EDA: variants seen among roughly 807,000 people sequenced by gnomAD.
EDA encodes ectodysplasin A.
Under a neutral mutation model 23.6 loss-of-function variants are expected in EDA, and 2 were observed. That is an observed-to-expected ratio of 0.08 (90% CI 0.03 to 0.27). EDA has a LOEUF of 0.27. Among genes scored for constraint, EDA ranks in the 10% least tolerant of loss-of-function variants. The pLI, the probability that EDA is intolerant of heterozygous loss-of-function variation, is 1.00. For synonymous variants in EDA, 131 were observed against 132.0 expected, an observed-to-expected ratio of 0.99 and a Z score of 0.05; for missense variants, 229 against 324.2, an observed-to-expected ratio of 0.71 and a Z score of 2.26.
At chrX:69,690,896 T>C (rs1332764662) in intron 1 of EDA, among the ~76,000 whole-genome samples, 1 of 111,985 alleles carries the variant, frequency 8.9e-6, no homozygotes, top group African/African-American at 3.2e-5. Context: ...TTCATCTAAG[T>C]TATATAATTT....
chrX:69,989,290 T>A (rs193125802), intron 2 of EDA, among the ~76,000 whole-genome samples: 14 of 111,570 alleles, frequency 1.3e-4, no homozygotes, highest in Admixed American at 4.8e-4. Context: ...GTAGCCGAAC[T>A]TTCACTCCAC....
intron 1 of EDA, among the ~76,000 whole-genome samples, chrX:69,739,216 T>C (rs2013368623): frequency 9.0e-6 from 1 of 111,504 alleles, no homozygotes; most frequent in Non-Finnish European, 1.9e-5. Flanking sequence ...AATGGGTTGA[T>C]CATTATATCA....
intron 1 of EDA, among the ~76,000 whole-genome samples, chrX:69,935,873 T>G (rs749068137): frequency 9.1e-6 from 1 of 109,520 alleles, no homozygotes; most frequent in East Asian, 2.9e-4. Context: ...CTCAGGTAAT[T>G]TTATTAGCTC....
chrX:69,714,341 G>A (rs2012225014), intron 1 of EDA, among the ~76,000 whole-genome samples: 1 of 110,724 alleles, frequency 9.0e-6, no homozygotes, highest in Non-Finnish European at 1.9e-5. Context: ...TTTTCTCGTA[G>A]TCTATAAGCT....
chrX:70,035,163 A>G (rs1215923804), intron 7 of EDA, among the ~76,000 whole-genome samples, 195 bp from the exon 8 acceptor site: 2 of 111,858 alleles, frequency 1.8e-5, no homozygotes, highest in Non-Finnish European at 3.8e-5. Context: ...GCTGAGCCCC[A>G]TGGACTAGGG....
intron 1 of EDA, among the ~76,000 whole-genome samples, chrX:69,638,571 G>A (rs1346913830): frequency 1.8e-5 from 2 of 111,828 alleles, no homozygotes; most frequent in Non-Finnish European, 3.8e-5. Context: ...ATAGCATTGT[G>A]ATGATGCCAA....
intron 1 of EDA, among the ~76,000 whole-genome samples, chrX:69,751,450 A>T (rs1390890915): frequency 8.9e-6 from 1 of 112,295 alleles, no homozygotes; most frequent in Non-Finnish European, 1.9e-5. Context: ...GTTTGAAGTC[A>T]GGTAGCGCGA....
At chrX:69,974,897 A>G (rs940623308) in intron 2 of EDA, among the ~76,000 whole-genome samples, 1 of 112,231 alleles carries the variant, frequency 8.9e-6, no homozygotes, top group Non-Finnish European at 1.9e-5. Context: ...AGAAATGCAA[A>G]TCAAAATCAC....
At position 69,832,480 on chromosome X, in the gene EDA, A is replaced by G. The variant is rs756956205; in HGVS notation, c.397-124547A>G. On this transcript the variant is annotated intron_variant, in intron 1 of 7. Transcript: ENST00000374552. The stretch of plus-strand genomic sequence containing the variant: ...TGAAGTCAGGTAGCATGATGCCTCC[A>G]GCTTTGTTCTTTTTGCTTAGGATTG... Among the ~76,000 whole-genome samples, 439 of 111,857 alleles carry G rather than the reference A, an allele frequency of 3.9e-3. 2 individuals carry two copies. Among genetic ancestry groups the G allele is most frequent in the African/African-American group, 0.014 (416 of 30,813 alleles).
intron 1 of EDA, among the ~76,000 whole-genome samples, chrX:69,817,022 G>A (rs1018723294): frequency 5.4e-5 from 6 of 111,467 alleles, no homozygotes; most frequent in Admixed American, 1.9e-4. Context: ...CCTCTCAGTG[G>A]AAACCCTAAA....
intron 1 of EDA, among the ~76,000 whole-genome samples, chrX:69,901,711 G>A (rs767125391): frequency 9.0e-6 from 1 of 111,672 alleles, no homozygotes; most frequent in East Asian, 2.8e-4. Context: ...ATGGATCCAT[G>A]TGAGGTTATG....
intron 1 of EDA, among the ~76,000 whole-genome samples, chrX:69,696,944 C>G (rs753890849): frequency 8.9e-6 from 1 of 111,980 alleles, no homozygotes; most frequent in African/African-American, 3.2e-5. Flanking sequence ...TAGAGTAATT[C>G]CTCCTTTACT....
intron 1 of EDA, chrX:69,860,891 T>C: frequency 1.9e-6 from 1 of 525,126 alleles, no homozygotes. Flanking sequence ...CTCTGTCCAC[T>C]CTCAGCACCT....
chrX:69,811,574 G>T (rs1364221252), intron 1 of EDA, among the ~76,000 whole-genome samples: 1 of 111,593 alleles, frequency 9.0e-6, no homozygotes, highest in Non-Finnish European at 1.9e-5. Flanking sequence ...CCTAGGTAGT[G>T]ATGGTTATTG....
chrX:69,707,186 A>G (rs931754002), intron 1 of EDA, among the ~76,000 whole-genome samples: 1 of 112,286 alleles, frequency 8.9e-6, no homozygotes, highest in African/African-American at 3.2e-5. Context: ...TGGGAGAAGC[A>G]AGAATAAGTA....
chrX:69,804,638 A>T (rs1451889866), intron 1 of EDA, among the ~76,000 whole-genome samples: 1 of 110,335 alleles, frequency 9.1e-6, no homozygotes, highest in East Asian at 2.9e-4. Context: ...GCTGAATTTC[A>T]CTCATGGGAA....
intron 1 of EDA, among the ~76,000 whole-genome samples, chrX:69,625,833 C>CTT (rs1176391668): frequency 2.0e-5 from 2 of 100,127 alleles, no homozygotes; most frequent in African/African-American, 3.6e-5. Flanking sequence ...TGGAAAGAAA[C>CTT]TTTTTTTTTT....
intron 1 of EDA, among the ~76,000 whole-genome samples, chrX:69,725,058 T>C (rs896827669): frequency 4.4e-5 from 5 of 112,415 alleles, no homozygotes; most frequent in Non-Finnish European, 7.5e-5. Context: ...ATTATAATGC[T>C]GCCTTTCAGT....
intron 1 of EDA, among the ~76,000 whole-genome samples, chrX:69,867,145 G>T (rs956344149): frequency 8.9e-6 from 1 of 112,012 alleles, no homozygotes; most frequent in Non-Finnish European, 1.9e-5. Context: ...AGTGGCTGTA[G>T]CCAGGTCAGC....
Sources: allele counts gnomAD v4.1 joint callset (sites outside exome capture counted in the v4.1 genomes callset), GRCh38; gene constraint gnomAD v4.1.1; transcripts MANE v1.5; gene names NCBI Gene and HGNC (gene_info 2026-07-23, HGNC 2026-07-21).